The following TFPT variants were observed in gnomAD, a reference collection of about 807,000 sequenced individuals.
TFPT encodes the protein TCF3 fusion partner.
Under a neutral mutation model 28.8 loss-of-function variants are expected in TFPT, and 27 were observed. The ratio of observed to expected loss-of-function variants is 0.94; its 90% CI spans 0.69 to 1.29. TFPT has a LOEUF of 1.29. TFPT is among the 50% of genes most tolerant of loss of function. The pLI is 0.00. For synonymous variants in TFPT, 152 were observed against 142.8 expected, an observed-to-expected ratio of 1.06 and a Z score of -0.46; for missense variants, 330 against 338.0, an observed-to-expected ratio of 0.98 and a Z score of 0.19.
At position 54,115,491 on chromosome 19, in the gene TFPT, A is replaced by G; in HGVS notation, c.-222T>C. ...GCTTAAAGGCCTTGCTTTCTTGTCT[A>G]ACGCCGCAACCAGTCCTCTGAGTTG... is the stretch of plus-strand genomic sequence containing the variant. On this transcript the variant is annotated 5_prime_UTR_variant, in exon 1 of 6. Transcript: ENST00000391759. The G allele has an allele frequency of 1.6e-6, 1 of 612,152 alleles. No homozygotes were observed. The highest frequency in any genetic ancestry group is 2.9e-6 in the Non-Finnish European group (1 of 348,300). The allele number at this position is 612,152 out of a possible 1,614,324, so 37.9% of individuals were successfully genotyped here.
In TFPT at chr19:54,115,362, T is replaced by A; in HGVS notation, c.-93A>T. The A allele has an allele frequency of 6.3e-7, 1 of 1,589,298 alleles. No homozygotes were observed. Among genetic ancestry groups the A allele is most frequent in the East Asian group, 2.2e-5 (1 of 44,752 alleles). On this transcript the variant is annotated 5_prime_UTR_variant, in exon 1 of 6. Transcript: ENST00000391759. Reference sequence around the variant, plus strand: ...CGCAAAACTACTTGTCCCATCAGGCTCAGCAGCCGAGGACGGCGGGACGTG... The same window carrying A: ...CGCAAAACTACTTGTCCCATCAGGCACAGCAGCCGAGGACGGCGGGACGTG...
rs1406385119 is a variant in TFPT at position 54,108,246 on chromosome 19, TG to T, written c.424-3del. Reference sequence around the variant, plus strand: ...ATCCGTGCCCTGGCTGCCCTCATCCTGGCAGGCAGGAGGGGGAGGTAGGTGA... The same window carrying T: ...ATCCGTGCCCTGGCTGCCCTCATCCTGCAGGCAGGAGGGGGAGGTAGGTGA... On this transcript the variant is annotated splice_region_variant and splice_polypyrimidine_tract_variant and intron_variant, in intron 4 of 5. Transcript: ENST00000391759. 7.6e-6 allele frequency: 12 copies of T among 1,585,882 alleles called. No homozygotes were observed. The highest frequency in any genetic ancestry group is 1.0e-5 in the Non-Finnish European group (12 of 1,165,126).
chr19:54,114,981 A>G (rs2073580102), intron 1 of TFPT: 2 of 662,642 alleles, frequency 3.0e-6, no homozygotes, highest in Non-Finnish European at 5.0e-6. Context: ...TTTCTCTCCA[A>G]GGACCCAGGG....
Position 54,115,597 on chromosome 19 carries a change from A to G in TFPT, c.-328T>C, listed in dbSNP as rs1205196358. On this transcript the variant is annotated 5_prime_UTR_variant, in exon 1 of 6. Coordinates refer to ENST00000391759, the MANE Select transcript of TFPT (RefSeq NM_013342.4). ...CTTAGCAGGATCGGTCCACAGCGGG[A>G]CGTGAGTCCCTTTCCTCCTCGCGGC... The G allele has an allele frequency of 4.2e-6, 2 of 477,268 alleles. No homozygotes were observed. Among genetic ancestry groups the G allele is most frequent in the East Asian group, 6.8e-5 (2 of 29,584 alleles). The allele number at this position is 477,268 out of a possible 1,614,324, so 29.6% of individuals were successfully genotyped here.
At chr19:54,107,213 A>G in intron 5 of TFPT, 44 bp from the exon 6 acceptor site, 1 of 1,583,112 alleles carries the variant, frequency 6.3e-7, no homozygotes, top group Non-Finnish European at 8.6e-7. Context: ...CTGGGAATCT[A>G]GAAAATCCCA....
At chr19:54,108,287 G>T in intron 4 of TFPT, 39 bp downstream of exon 4, 1 of 1,578,154 alleles carries the variant, frequency 6.3e-7, no homozygotes, top group Non-Finnish European at 8.6e-7. Flanking sequence ...TGGGTCCTGA[G>T]CTCCCAGTTC....
rs1476933743 is a variant in TFPT at position 54,107,065 on chromosome 19, G to GCTGGC, written c.742_746dup (p.Ser249ArgfsTer14). On this transcript the variant is annotated frameshift_variant, in exon 6 of 6. Coordinates refer to ENST00000391759, the MANE Select transcript of TFPT (RefSeq NM_013342.4). LOFTEE classifies it high-confidence loss of function. ...TGGGCATGCGTCAGTCAGAGGCTGG[G>GCTGGC]CTGGCCAGGGTCGGGTAGGGCAGCA... The GCTGGC allele has an allele frequency of 6.2e-7, 1 of 1,613,838 alleles. No homozygotes were observed.
rs780452245 is a variant in TFPT at position 54,108,200 on chromosome 19, C to A, written c.468G>T (p.Ala156=). ...QGTDAPTPGN[A]ENEPPEKETL... ...TCTCTTTCTCTGGAGGCTCATTCTC[C>A]GCATTGCCTGGGGTGGGGGCATCCG... The change falls in exon 5 of 6, where the codon GCG becomes GCT. Residue 156 remains alanine (A), a synonymous_variant. Transcript: ENST00000391759. The A allele has an allele frequency of 6.3e-7, 1 of 1,597,722 alleles. No homozygotes were observed. Among genetic ancestry groups the A allele is most frequent in the East Asian group, 2.2e-5 (1 of 44,536 alleles).
chr19:54,108,553 C>T (rs764012937), intron 3 of TFPT, 158 bp from the exon 4 acceptor site: 2 of 1,604,350 alleles, frequency 1.2e-6, no homozygotes, highest in Non-Finnish European at 1.7e-6. Flanking sequence ...GGAGCCATGC[C>T]CTTGACCAGC....
intron 3 of TFPT, 39 bp from the exon 4 acceptor site, chr19:54,108,434 T>G (rs1170738195): frequency 1.2e-6 from 2 of 1,613,850 alleles, no homozygotes; most frequent in Non-Finnish European, 1.7e-6. Flanking sequence ...ATAACTTATC[T>G]CCTAGCGGCT....
In TFPT at chr19:54,114,535, C is replaced by G. The variant is rs139955385; in HGVS notation, c.189G>C (p.Glu63Asp). 354 of 1,614,068 alleles carry G rather than the reference C, an allele frequency of 2.2e-4. No homozygotes were observed. The highest frequency in any genetic ancestry group is 2.9e-4 in the Non-Finnish European group (346 of 1,180,020). ...GGSGLRERDE[E>D]EEAARGRRRR... is the part of the protein sequence containing the mutation. ...GCCGCCGACCCCGGGCTGCCTCTTCCTCTTCATCTCGCTCCCGGAGCCCTG... is the reference window on the plus strand; with the variant it reads ...GCCGCCGACCCCGGGCTGCCTCTTCGTCTTCATCTCGCTCCCGGAGCCCTG... The change falls in exon 2 of 6, where the codon GAG becomes GAC. Residue 63 changes from glutamate (E) to aspartate (D), a missense_variant. By Grantham distance (45) the Glu-to-Asp change is conservative (BLOSUM62 2). Transcript: ENST00000391759.
Position 54,114,339 on chromosome 19 carries a change from A to T in TFPT, c.282+103T>A, listed in dbSNP as rs587614415. On this transcript the variant is annotated intron_variant, in intron 2 of 5. Coordinates refer to ENST00000391759, the MANE Select transcript of TFPT (RefSeq NM_013342.4). The stretch of plus-strand genomic sequence containing the variant: ...ATATATAAGCTAAATGACTGAATAT[A>T]TCAGCAAGCCAAGAAAGGCTGGGCA... 961 of 1,499,984 alleles carry T rather than the reference A, an allele frequency of 6.4e-4. 3 individuals carry two copies. In the African/African-American group the frequency reaches 8.0e-3, roughly 12 times the overall value. 92.9% of individuals were successfully genotyped at this position (1,499,984 alleles called of 1,614,324 possible).
chr19:54,114,251 G>A (rs978613358), intron 2 of TFPT, among the ~76,000 whole-genome samples, 191 bp downstream of exon 2: 3 of 152,220 alleles, frequency 2.0e-5, no homozygotes, highest in South Asian at 2.1e-4. Flanking sequence ...GAAGCTCCAC[G>A]GGAGATGGCC....
chr19:54,109,466 T>C (rs1330218349), intron 3 of TFPT, among the ~76,000 whole-genome samples: 1 of 152,116 alleles, frequency 6.6e-6, no homozygotes. Flanking sequence ...AGAACTGTGG[T>C]TGACTCAGCA....
chr19:54,114,312 G>C (rs1384602894), intron 2 of TFPT, 130 bp downstream of exon 2: 1 of 1,422,940 alleles, frequency 7.0e-7, no homozygotes, highest in Non-Finnish European at 9.4e-7. Context: ...CTAAATGACT[G>C]AATATATAAG....
In TFPT at chr19:54,108,385, T is replaced by C. The variant is rs2146349973; in HGVS notation, c.364A>G (p.Arg122Gly). The C allele has an allele frequency of 6.2e-7, 1 of 1,613,642 alleles. No individual in the cohort carries two copies. Among genetic ancestry groups the C allele is most frequent in the Admixed American group, 1.7e-5 (1 of 59,934 alleles). Residue 122 changes from arginine to glycine, a missense_variant, in exon 4 of 6, where the codon AGA becomes GGA. Physicochemically the swap from Arg to Gly is moderately radical, Grantham distance 125. Transcript: ENST00000391759. ...RLQQERRFLM[R>G]VLDSYGDDYR... Reference sequence around the variant, plus strand: ...TCATCCCCGTAGGAGTCCAGCACTCTCATGAGGAACCTGCTCAGGGGGAGA... The same window carrying C: ...TCATCCCCGTAGGAGTCCAGCACTCCCATGAGGAACCTGCTCAGGGGGAGA...
In TFPT at chr19:54,107,093, TTGTC is replaced by T; in HGVS notation, c.715_718del (p.Asp239AsnfsTer21). 3 of 1,613,796 alleles carry T rather than the reference TTGTC, an allele frequency of 1.9e-6. No homozygotes were observed. The highest frequency in any genetic ancestry group is 1.7e-6 in the Non-Finnish European group (2 of 1,179,934). On this transcript the variant is annotated frameshift_variant, in exon 6 of 6. Coordinates refer to ENST00000391759, the MANE Select transcript of TFPT (RefSeq NM_013342.4). LOFTEE classifies it high-confidence loss of function. ...GGCCAGGGTCGGGTAGGGCAGCAGT[TTGTC>T]TGGACCCCGAGAAACCCAACTGGAA...
In TFPT at chr19:54,109,177, GA is replaced by G. The variant is rs587637673; in HGVS notation, c.354-783del. Reference sequence around the variant, plus strand: ...CCCAAAGTGCTGGGATTACAGGCATGATGAGCCACTGCGCCCGGCCTATTTC... The same window carrying G: ...CCCAAAGTGCTGGGATTACAGGCATGTGAGCCACTGCGCCCGGCCTATTTC... On this transcript the variant is annotated intron_variant, in intron 3 of 5. Transcript: ENST00000391759. 8.3e-3 allele frequency: 1,300 copies of G among 156,496 alleles called. 18 individuals carry two copies. Among genetic ancestry groups the G allele is most frequent in the African/African-American group, 0.03 (1,238 of 41,564 alleles). 9.7% of individuals were successfully genotyped at this position (156,496 alleles called of 1,614,324 possible). A position where few individuals can be genotyped will look rare whatever the true frequency, so the allele number is the denominator to read the frequency against.
At chr19:54,108,820 T>C in intron 3 of TFPT, 1 of 497,864 alleles carries the variant, frequency 2.0e-6, no homozygotes, top group South Asian at 2.5e-5. Context: ...CTTCTCTTTT[T>C]TCCCCAGCCC....
Sources: allele counts gnomAD v4.1 joint callset (sites outside exome capture counted in the v4.1 genomes callset), GRCh38; gene constraint gnomAD v4.1.1; transcripts MANE v1.5; gene names NCBI Gene and HGNC (gene_info 2026-07-23, HGNC 2026-07-21).